EDA: variants seen among roughly 807,000 people sequenced by gnomAD.
EDA encodes ectodysplasin A.
A neutral mutation model predicts 23.6 loss-of-function variants in EDA; 2 were observed. The observed-to-expected ratio is 0.08, with a 90% CI of 0.03 to 0.27. The LOEUF is 0.27. Ranked by LOEUF, EDA falls within the 10% of genes least tolerant of loss-of-function variation. The pLI, the probability that EDA is intolerant of heterozygous loss-of-function variation, is 1.00. For synonymous variants in EDA, 131 were observed against 132.0 expected, an observed-to-expected ratio of 0.99 and a Z score of 0.05; for missense variants, 229 against 324.2, an observed-to-expected ratio of 0.71 and a Z score of 2.26.
At chrX:69,916,567 T>C (rs1288210923) in intron 1 of EDA, among the ~76,000 whole-genome samples, 1 of 108,573 alleles carries the variant, frequency 9.2e-6, no homozygotes, top group Non-Finnish European at 1.9e-5. Flanking sequence ...CACGCCCGGC[T>C]AATTTTTTTG....
chrX:69,807,221 A>G (rs182409449), intron 1 of EDA, among the ~76,000 whole-genome samples: 63 of 109,194 alleles, frequency 5.8e-4, no homozygotes, highest in African/African-American at 2.0e-3. Context: ...AGAGGATTCA[A>G]TTCACTAAGT....
chrX:69,765,329 G>GTATATTATCTATAC (rs2014438588), intron 1 of EDA, among the ~76,000 whole-genome samples: 1 of 112,394 alleles, frequency 8.9e-6, no homozygotes, highest in Non-Finnish European at 1.9e-5. Flanking sequence ...TACCTGGTTT[G>GTATATTATCTATAC]AAAATGCTCA....
chrX:69,652,548 C>T (rs1439749454), intron 1 of EDA, among the ~76,000 whole-genome samples: 1 of 111,799 alleles, frequency 8.9e-6, no homozygotes, highest in Non-Finnish European at 1.9e-5. Context: ...TTTCATCTTA[C>T]ACTTTTAGTA....
intron 1 of EDA, among the ~76,000 whole-genome samples, chrX:69,783,678 A>C (rs2015037293): frequency 9.0e-6 from 1 of 111,449 alleles, no homozygotes; most frequent in Admixed American, 9.5e-5. Flanking sequence ...TTCTTAATCC[A>C]GTCTATCATT....
intron 1 of EDA, among the ~76,000 whole-genome samples, chrX:69,682,845 C>T (rs1344787928): frequency 2.7e-5 from 3 of 111,598 alleles, no homozygotes; most frequent in Non-Finnish European, 5.6e-5. Flanking sequence ...TTGGCTCCTC[C>T]CCCCTGCTGT....
chrX:70,032,679 C>T (rs927660748), intron 6 of EDA, among the ~76,000 whole-genome samples: 1 of 111,509 alleles, frequency 9.0e-6, no homozygotes. Flanking sequence ...GAGACAGATG[C>T]TTTGCCAAGG....
intron 1 of EDA, among the ~76,000 whole-genome samples, chrX:69,712,722 A>T (rs2012120841): frequency 9.0e-6 from 1 of 111,575 alleles, no homozygotes; most frequent in African/African-American, 3.3e-5. Context: ...TATATACCCA[A>T]AGCATTATAA....
At chrX:69,843,319 C>T (rs1045151537) in intron 1 of EDA, among the ~76,000 whole-genome samples, 1 of 111,580 alleles carries the variant, frequency 9.0e-6, no homozygotes. Context: ...TATAGGGAAG[C>T]AGATGAATAT....
chrX:69,647,676 A>T (rs766457162), intron 1 of EDA, among the ~76,000 whole-genome samples: 1 of 111,676 alleles, frequency 9.0e-6, no homozygotes, highest in African/African-American at 3.3e-5. Context: ...CCACCTTCTG[A>T]AGCCCACTTC....
At chrX:69,749,074 G>T (rs1467949241) in intron 1 of EDA, among the ~76,000 whole-genome samples, 1 of 84,115 alleles carries the variant, frequency 1.2e-5, no homozygotes, top group Non-Finnish European at 2.3e-5. Flanking sequence ...ATCTCCCAGT[G>T]CTATCCCTCC....
intron 2 of EDA, among the ~76,000 whole-genome samples, chrX:69,989,679 A>G (rs1033279147): frequency 1.8e-5 from 2 of 111,772 alleles, no homozygotes; most frequent in African/African-American, 3.2e-5. Flanking sequence ...AGTTATAAAA[A>G]TAAGCAAATA....
At chrX:69,989,044 G>A (rs2019546386) in intron 2 of EDA, among the ~76,000 whole-genome samples, 1 of 111,184 alleles carries the variant, frequency 9.0e-6, no homozygotes, top group Non-Finnish European at 1.9e-5. Context: ...CTGCCCTGAT[G>A]TCAGCAAGGC....
chrX:69,898,678 A>C (rs763072714), intron 1 of EDA, among the ~76,000 whole-genome samples: 5 of 112,456 alleles, frequency 4.4e-5, no homozygotes. Flanking sequence ...CTGATATCTG[A>C]ATATGTTTAT....
chrX:69,662,065 G>A (rs994868158), intron 1 of EDA, among the ~76,000 whole-genome samples: 2 of 111,106 alleles, frequency 1.8e-5, no homozygotes, highest in Non-Finnish European at 3.8e-5. Flanking sequence ...TAGATCTCTA[G>A]ACTTGTTTAT....
chrX:70,026,340 A>G (rs2020106149), intron 3 of EDA, among the ~76,000 whole-genome samples: 1 of 111,514 alleles, frequency 9.0e-6, no homozygotes, highest in Non-Finnish European at 1.9e-5. Flanking sequence ...CATTTAAGAT[A>G]ACTACATCCT....
At chrX:69,818,724 A>C (rs1258316349) in intron 1 of EDA, among the ~76,000 whole-genome samples, 1 of 111,485 alleles carries the variant, frequency 9.0e-6, no homozygotes, top group African/African-American at 3.3e-5. Flanking sequence ...GTCAGCAATA[A>C]ATAGCCTACC....
At chrX:69,668,228 C>A (rs773367135) in intron 1 of EDA, among the ~76,000 whole-genome samples, 1 of 111,943 alleles carries the variant, frequency 8.9e-6, no homozygotes, top group African/African-American at 3.2e-5. Context: ...TTGATTTCTT[C>A]TTTGATCCAG....
At chrX:69,750,617 G>C (rs2013807053) in intron 1 of EDA, among the ~76,000 whole-genome samples, 1 of 111,355 alleles carries the variant, frequency 9.0e-6, no homozygotes, top group Non-Finnish European at 1.9e-5. Context: ...CACAATGGTT[G>C]AACTAGTTTA....
At chrX:69,951,666 C>T (rs1234507949) in intron 1 of EDA, among the ~76,000 whole-genome samples, 1 of 110,888 alleles carries the variant, frequency 9.0e-6, no homozygotes, top group African/African-American at 3.3e-5. Flanking sequence ...AAAAAAGTAC[C>T]AAATAATTTT....
Sources: allele counts gnomAD v4.1 joint callset (sites outside exome capture counted in the v4.1 genomes callset), GRCh38; gene constraint gnomAD v4.1.1; transcripts MANE v1.5; gene names NCBI Gene and HGNC (gene_info 2026-07-23, HGNC 2026-07-21).